PARVB: variants seen among roughly 807,000 people sequenced by gnomAD.
PARVB encodes beta-parvin.
Under a neutral mutation model 47.0 loss-of-function variants are expected in PARVB, and 46 were observed. The observed-to-expected ratio is 0.98, with a 90% confidence interval of 0.77 to 1.25. PARVB has a LOEUF of 1.25. PARVB is among the 50% of genes most tolerant of loss of function. The probability of loss-of-function intolerance (pLI) is 0.00; values close to 1 mark genes in which losing one functional copy is unlikely to be tolerated. For synonymous variants in PARVB, 196 were observed against 196.3 expected (o/e 1.00, Z 0.01); for missense variants, 473 against 471.6 (o/e 1.00, Z -0.03).
At chr22:44,073,493 C>CA (rs893678840) in intron 1 of PARVB, among the ~76,000 whole-genome samples, 7 of 151,690 alleles carry the variant, frequency 4.6e-5, no homozygotes, top group African/African-American at 9.7e-5. Flanking sequence ...GAGTCAGTCT[C>CA]AAAAAAAAGA....
At chr22:44,147,617 C>T in intron 8 of PARVB, 1 of 702,198 alleles carries the variant, frequency 1.4e-6, no homozygotes, top group Admixed American at 1.8e-5. Context: ...GTGGAAGGGA[C>T]CCTCTGCAGC....
intron 12 of PARVB, among the ~76,000 whole-genome samples, chr22:44,164,607 A>G (rs905556069): frequency 5.3e-5 from 8 of 152,284 alleles, no homozygotes; most frequent in Middle Eastern, 3.4e-3. Context: ...TCCTATATGA[A>G]GACATCTGTT....
Position 44,132,827 on chromosome 22 carries a change from C to T in PARVB, c.518-67C>T. 5 of 1,012,358 alleles carry T rather than the reference C, an allele frequency of 4.9e-6. 1 individual carries two copies. In the South Asian group the frequency reaches 6.7e-5, roughly 13 times the overall value. The allele number at this position is 1,012,358 out of a possible 1,614,324, so 62.7% of individuals were successfully genotyped here. ...TTAGATGCTGTGTCTCTGTTGCCTT[C>T]TGCACGTGGGCTCAGGTTCCTGTGT... On this transcript the variant is annotated intron_variant, in intron 5 of 12. Transcript: ENST00000338758.
intron 4 of PARVB, among the ~76,000 whole-genome samples, chr22:44,127,214 A>G (rs1226527495): frequency 1.3e-5 from 2 of 151,848 alleles, no homozygotes; most frequent in South Asian, 2.1e-4. Flanking sequence ...CAATTCTAAA[A>G]TCTCTTGAGT....
At chr22:44,157,033 G>A (rs766536947) in intron 10 of PARVB, among the ~76,000 whole-genome samples, 1 of 152,240 alleles carries the variant, frequency 6.6e-6, no homozygotes, top group Non-Finnish European at 1.5e-5. Context: ...TTCAGCTTAT[G>A]TATATTTTAT....
At chr22:44,022,551 T>C (rs959361220), upstream of PARVB, among the ~76,000 whole-genome samples, 1 of 151,896 alleles carries the variant, frequency 6.6e-6, no homozygotes, top group Non-Finnish European at 1.5e-5. Flanking sequence ...TGGCACCAAC[T>C]TGACCAACAG....
intron 4 of PARVB, among the ~76,000 whole-genome samples, chr22:44,122,520 C>G (rs7284401): frequency 0.21 from 10,033 of 46,712 alleles, 600 homozygotes; most frequent in East Asian, 0.32. Flanking sequence ...GAGAGAGAGA[C>G]AGAGAGACAG....
chr22:44,019,971 C>T (rs117837571), upstream of PARVB, among the ~76,000 whole-genome samples: 3 of 152,216 alleles, frequency 2.0e-5, no homozygotes, highest in East Asian at 5.8e-4. Context: ...ACTGCCTTTC[C>T]TCTTCTCTCA....
In PARVB at chr22:44,068,936, G is replaced by A. The variant is rs2051592174; in HGVS notation, c.113-24992G>A. 1 of 585,430 alleles carries A rather than the reference G, an allele frequency of 1.7e-6. No homozygotes were observed. Among genetic ancestry groups the A allele is most frequent in the African/African-American group, 1.9e-5 (1 of 53,568 alleles). 36.3% of individuals were successfully genotyped at this position (585,430 alleles called of 1,614,324 possible). On this transcript the variant is annotated intron_variant, in intron 1 of 12. Transcript: ENST00000338758. This position sits in a 1 kb window ranked among gnomAD's most constrained non-coding sequence, Gnocchi z 4.1. Reference sequence around the variant, plus strand: ...GATGGGAGTCAAGACAGAAATAGTGGTCTGTGGTCAGCAAGGAGCTATCGC... The same window carrying A: ...GATGGGAGTCAAGACAGAAATAGTGATCTGTGGTCAGCAAGGAGCTATCGC...
chr22:44,129,981 T>C (rs780052121), intron 4 of PARVB, among the ~76,000 whole-genome samples: 3 of 152,208 alleles, frequency 2.0e-5, no homozygotes, highest in Non-Finnish European at 4.4e-5. Context: ...AATTTTATTA[T>C]CTTGAAAGGG....
chr22:44,003,145 G>A (rs548602520), intron 2 of PARVB, among the ~76,000 whole-genome samples: 7 of 152,034 alleles, frequency 4.6e-5, no homozygotes, highest in South Asian at 2.1e-4. Context: ...TGGATGTGCC[G>A]GTCAATTAAA....
chr22:44,078,073 C>T (rs1048099790), intron 1 of PARVB, among the ~76,000 whole-genome samples: 6 of 152,100 alleles, frequency 3.9e-5, no homozygotes, highest in Non-Finnish European at 8.8e-5. Context: ...TTTGCAGAGC[C>T]GTGTGGTGGA....
At chr22:44,029,624 A>C (rs1487424275) in intron 1 of PARVB, among the ~76,000 whole-genome samples, 1 of 152,028 alleles carries the variant, frequency 6.6e-6, no homozygotes, top group Non-Finnish European at 1.5e-5. Context: ...AAAAATAGAA[A>C]AATTAGCCAG....
chr22:44,157,774 G>A (rs2053967132), intron 10 of PARVB, among the ~76,000 whole-genome samples: 1 of 152,118 alleles, frequency 6.6e-6, no homozygotes, highest in South Asian at 2.1e-4. Context: ...AGCTACTTGG[G>A]AGGCTGAGGT....
intron 1 of PARVB, among the ~76,000 whole-genome samples, chr22:44,028,262 A>G (rs917963051): frequency 3.3e-5 from 5 of 151,848 alleles, no homozygotes; most frequent in East Asian, 1.9e-4. Flanking sequence ...TCTGCTGCCT[A>G]TGCATCCCTC....
intron 12 of PARVB, among the ~76,000 whole-genome samples, chr22:44,166,120 T>C (rs922420321): frequency 2.0e-5 from 3 of 152,168 alleles, no homozygotes; most frequent in African/African-American, 7.2e-5. Context: ...CCACGACTTT[T>C]TTTTTCTGAG....
At chr22:44,080,205 G>A (rs1234368846) in intron 1 of PARVB, among the ~76,000 whole-genome samples, 1 of 152,226 alleles carries the variant, frequency 6.6e-6, no homozygotes, top group Non-Finnish European at 1.5e-5. Flanking sequence ...ACGTGGAGTT[G>A]CTGGGGCTCT....
chr22:44,165,557 G>A (rs1280297158), intron 12 of PARVB, among the ~76,000 whole-genome samples: 1 of 152,224 alleles, frequency 6.6e-6, no homozygotes, highest in East Asian at 1.9e-4. Flanking sequence ...ATGCTGCTTT[G>A]CCTCTCCCCA....
chr22:44,097,584 C>T (rs1043753382), intron 2 of PARVB, among the ~76,000 whole-genome samples: 21 of 152,202 alleles, frequency 1.4e-4, no homozygotes, highest in African/African-American at 3.9e-4. Flanking sequence ...GCCCCTGCCC[C>T]GTGAGACGCA....
Sources: allele counts gnomAD v4.1 joint callset (sites outside exome capture counted in the v4.1 genomes callset), GRCh38; gene constraint gnomAD v4.1.1; non-coding constraint Gnocchi (gnomAD v3.1); transcripts MANE v1.5; gene names NCBI Gene and HGNC (gene_info 2026-07-23, HGNC 2026-07-21).